TRIM2: variants seen among roughly 807,000 people sequenced by gnomAD.
The protein encoded by TRIM2 is tripartite motif containing 2, also known as tripartite motif-containing protein 2.
In TRIM2, 20 loss-of-function variants were observed where a neutral mutation model predicts 75.2. That is an observed-to-expected ratio of 0.27 (90% CI 0.19 to 0.39). The LOEUF is 0.39. TRIM2 is among the 10% of genes least tolerant of loss of function. The probability of loss-of-function intolerance (pLI) is 1.00; values close to 1 mark genes in which losing one functional copy is unlikely to be tolerated. For synonymous variants in TRIM2, 373 were observed against 388.3 expected (o/e 0.96, Z 0.46); for missense variants, 660 against 990.8 (o/e 0.67, Z 4.48).
rs925932586 is a variant in TRIM2 at position 153,248,026 on chromosome 4, C to T, written c.31-22309C>T. Among the ~76,000 whole-genome samples the T allele has an allele frequency of 2.2e-5, 3 of 139,124 alleles. No homozygotes were observed. Among genetic ancestry groups the T allele is most frequent in the Non-Finnish European group, 3.0e-5 (2 of 66,318 alleles). 91.3% of individuals were successfully genotyped at this position (139,124 alleles called of 152,430 possible). A position where few individuals can be genotyped will look rare whatever the true frequency, so the allele number is the denominator to read the frequency against. On this transcript the variant is annotated intron_variant, in intron 1 of 11. Coordinates refer to ENST00000338700, the MANE Select transcript of TRIM2 (RefSeq NM_015271.5). The surrounding 1 kb of genome is among the most constrained non-coding windows in gnomAD (Gnocchi z 4.0). ...TTTTTTTTTTTTTGAGATGGAGTCT[C>T]GCTCTGTCCCCCAGGCTGGAGTGCG...
intron 1 of TRIM2, among the ~76,000 whole-genome samples, chr4:153,181,527 C>T (rs1732057042): frequency 6.6e-6 from 1 of 152,188 alleles, no homozygotes; most frequent in South Asian, 2.1e-4. Context: ...ACCTTCTAGG[C>T]CATGAGAGGC....
chr4:153,171,840 C>CT (rs398064151), intron 1 of TRIM2, among the ~76,000 whole-genome samples: 263 of 114,750 alleles, frequency 2.3e-3, no homozygotes, highest in African/African-American at 7.5e-3. Flanking sequence ...CGTTTTGGGG[C>CT]TTTTTTTTTT....
intron 1 of TRIM2, among the ~76,000 whole-genome samples, chr4:153,157,869 G>C (rs1022949749): frequency 2.6e-4 from 40 of 152,262 alleles, no homozygotes; most frequent in Non-Finnish European, 4.1e-4. Flanking sequence ...ACCAACCTTG[G>C]GGATCAGTAT....
At chr4:153,164,684 T>TA (rs1167790935) in intron 1 of TRIM2, among the ~76,000 whole-genome samples, 2 of 152,216 alleles carry the variant, frequency 1.3e-5, no homozygotes, top group Non-Finnish European at 2.9e-5. Flanking sequence ...GATATACATA[T>TA]ACTACTGATT....
chr4:153,321,806 G>T (rs766398310), intron 8 of TRIM2, among the ~76,000 whole-genome samples: 2 of 152,146 alleles, frequency 1.3e-5, no homozygotes, highest in Non-Finnish European at 2.9e-5. Context: ...ACTGCTTGCT[G>T]TGTGCTACAC....
chr4:153,277,815 C>T (rs1047477816), intron 3 of TRIM2, among the ~76,000 whole-genome samples: 2 of 152,188 alleles, frequency 1.3e-5, no homozygotes, highest in Non-Finnish European at 2.9e-5. Flanking sequence ...ATCAGTTTTC[C>T]ATGCATTTTA....
intron 1 of TRIM2, among the ~76,000 whole-genome samples, chr4:153,159,296 CTTTTT>C (rs11318531): frequency 1.7e-4 from 15 of 89,174 alleles, no homozygotes; most frequent in South Asian, 1.5e-3. Flanking sequence ...TTTACAAAAT[CTTTTT>C]TTTTTTTTTT....
chr4:153,295,170 G>A lies in TRIM2; in HGVS notation c.787-143G>A. ...GTTTAGGACTTTGCGTTAGCACTGG[G>A]TTCCCTGGGTTGACAAACACCGCTT... On this transcript the variant is annotated intron_variant, in intron 5 of 11. Transcript: ENST00000338700. The surrounding 1 kb of genome is among the most constrained non-coding windows in gnomAD (Gnocchi z 7.2). 1 of 1,174,776 alleles carries A rather than the reference G, an allele frequency of 8.5e-7. No individual in the cohort carries two copies. Among genetic ancestry groups the A allele is most frequent in the Non-Finnish European group, 1.2e-6 (1 of 865,686 alleles). The allele number at this position is 1,174,776 out of a possible 1,614,324, so 72.8% of individuals were successfully genotyped here. A position where few individuals can be genotyped will look rare whatever the true frequency, so the allele number is the denominator to read the frequency against.
At chr4:153,256,228 G>A (rs1375592563) in intron 1 of TRIM2, among the ~76,000 whole-genome samples, 2 of 152,196 alleles carry the variant, frequency 1.3e-5, no homozygotes, top group Non-Finnish European at 2.9e-5. Context: ...AAGTTGGCAT[G>A]TATGTGCATT....
chr4:153,338,628 T>C lies in TRIM2; in HGVS notation c.*3662T>C. 1 of 985,602 alleles carries C rather than the reference T, an allele frequency of 1.0e-6. No individual in the cohort carries two copies. Among genetic ancestry groups the C allele is most frequent in the African/African-American group, 1.7e-5 (1 of 57,346 alleles). 61.1% of individuals were successfully genotyped at this position (985,602 alleles called of 1,614,324 possible). A position where few individuals can be genotyped will look rare whatever the true frequency, so the allele number is the denominator to read the frequency against. ...TTTGTTTGGTATAAATAAAGAATTA[T>C]TTGTTTTGTTTTCAATGACAGTAAG... On this transcript the variant is annotated 3_prime_UTR_variant, in exon 12 of 12. Transcript: ENST00000338700.
chr4:153,234,280 T>C (rs2149812282), intron 1 of TRIM2, among the ~76,000 whole-genome samples: 1 of 152,284 alleles, frequency 6.6e-6, no homozygotes, highest in East Asian at 1.9e-4. Flanking sequence ...GCATCTCCCT[T>C]TATCCTTGCA....
intron 6 of TRIM2, among the ~76,000 whole-genome samples, chr4:153,301,323 C>A (rs1404742835): frequency 6.6e-6 from 1 of 152,122 alleles, no homozygotes; most frequent in African/African-American, 2.4e-5. Flanking sequence ...CACACCACAC[C>A]CAGCCAACCT....
intron 1 of TRIM2, among the ~76,000 whole-genome samples, chr4:153,256,293 A>G (rs1752057844): frequency 6.6e-6 from 1 of 152,194 alleles, no homozygotes; most frequent in Non-Finnish European, 1.5e-5. Context: ...TCCTACTACC[A>G]CCAAAGGTAA....
chr4:153,166,801 A>G (rs1730374635), intron 1 of TRIM2, among the ~76,000 whole-genome samples: 1 of 152,158 alleles, frequency 6.6e-6, no homozygotes, highest in Admixed American at 6.5e-5. Context: ...AATAAAAGTG[A>G]CTTCCACCAT....
chr4:153,221,651 G>A (rs1740028539), intron 1 of TRIM2, among the ~76,000 whole-genome samples: 1 of 151,748 alleles, frequency 6.6e-6, no homozygotes, highest in South Asian at 2.1e-4. Context: ...TCTCAGCCTT[G>A]TGACAGATGA....
At chr4:153,275,094 G>C (rs1273240757) in intron 2 of TRIM2, among the ~76,000 whole-genome samples, 1 of 152,180 alleles carries the variant, frequency 6.6e-6, no homozygotes, top group Non-Finnish European at 1.5e-5. Context: ...TTTGTACTTT[G>C]TACTCTGCTC....
intron 1 of TRIM2, among the ~76,000 whole-genome samples, chr4:153,172,143 T>A (rs1378963579): frequency 2.1e-5 from 1 of 48,604 alleles, no homozygotes; most frequent in Non-Finnish European, 5.0e-5. Context: ...TGATAGTAAT[T>A]TTTTTTTTTT....
At chr4:153,181,864 G>A (rs1732099269) in intron 1 of TRIM2, among the ~76,000 whole-genome samples, 1 of 152,142 alleles carries the variant, frequency 6.6e-6, no homozygotes, top group African/African-American at 2.4e-5. Context: ...TGTGTGCCAG[G>A]GCGGGTGCCT....
At chr4:153,171,506 A>C (rs1458840380) in intron 1 of TRIM2, among the ~76,000 whole-genome samples, 1 of 152,182 alleles carries the variant, frequency 6.6e-6, no homozygotes, top group African/African-American at 2.4e-5. Context: ...GAATCACTTG[A>C]ACCCAGGAGG....
Sources: gnomAD v4.1 joint callset for allele counts (sites outside exome capture counted in the v4.1 genomes callset) on GRCh38, gnomAD v4.1.1 for gene constraint, Gnocchi (gnomAD v3.1) non-coding constraint, MANE v1.5 for transcripts, NCBI Gene and HGNC (gene_info 2026-07-23, HGNC 2026-07-21) for gene names.